The following ANKRD44 variants were observed in gnomAD, a reference collection of about 807,000 sequenced individuals.
The protein encoded by ANKRD44 is serine/threonine-protein phosphatase 6 regulatory ankyrin repeat subunit B.
Under a neutral mutation model 116.0 loss-of-function variants are expected in ANKRD44, and 35 were observed. The ratio of observed to expected loss-of-function variants is 0.30; its 90% CI spans 0.23 to 0.40. The LOEUF is 0.40. Among genes scored for constraint, ANKRD44 ranks in the 10% least tolerant of loss-of-function variants. The pLI is 1.00. For synonymous variants in ANKRD44, 435 were observed against 461.8 expected (o/e 0.94, Z 0.74); for missense variants, 1,014 against 1,242.6 (o/e 0.82, Z 2.77).
intron 1 of ANKRD44, among the ~76,000 whole-genome samples, chr2:197,254,407 A>AC (rs2082393838): frequency 6.6e-6 from 1 of 152,094 alleles, no homozygotes; most frequent in Non-Finnish European, 1.5e-5. Flanking sequence ...AACAAAAAAA[A>AC]CTTCCAACTC....
At chr2:197,202,365 C>T (rs73988408) in intron 1 of ANKRD44, among the ~76,000 whole-genome samples, 6,437 of 151,744 alleles carry the variant, frequency 0.042, 473 homozygotes, top group African/African-American at 0.15. Flanking sequence ...ATGATCGACT[C>T]CTCCAAGAAC....
chr2:197,300,491 C>A (rs182531112), intron 1 of ANKRD44, among the ~76,000 whole-genome samples: 1 of 152,188 alleles, frequency 6.6e-6, no homozygotes, highest in Non-Finnish European at 1.5e-5. Context: ...TCTAAACCTG[C>A]ACTATATGTG....
chr2:197,112,707 C>CAA lies in ANKRD44; in HGVS notation c.907-1865_907-1864dup, dbSNP rs1178148585. 1.8e-3 allele frequency among the ~76,000 whole-genome samples: 144 copies of CAA among 79,824 alleles called. 1 individual carries two copies. Among genetic ancestry groups the CAA allele is most frequent in the South Asian group, 3.6e-3 (8 of 2,212 alleles). 52.4% of individuals were successfully genotyped at this position (79,824 alleles called of 152,430 possible). On this transcript the variant is annotated intron_variant, in intron 8 of 27. Transcript: ENST00000282272. ...TGGGCGACAGAGCGAGACTCCGTCT[C>CAA]AAAAAAAAAAAAAAAGAAAAAAAGA...
intron 1 of ANKRD44, among the ~76,000 whole-genome samples, chr2:197,222,481 C>G (rs1405735890): frequency 6.6e-6 from 1 of 152,196 alleles, no homozygotes; most frequent in Non-Finnish European, 1.5e-5. Context: ...ATTCTCTGCC[C>G]TCATTCTTCT....
chr2:197,072,765 T>C (rs905524871), intron 16 of ANKRD44, among the ~76,000 whole-genome samples: 65 of 152,234 alleles, frequency 4.3e-4, no homozygotes, highest in Non-Finnish European at 1.2e-4. Flanking sequence ...CCTGAAACAA[T>C]GACTAAGTGT....
intron 22 of ANKRD44, among the ~76,000 whole-genome samples, chr2:197,000,727 T>C (rs1360677327): frequency 2.6e-5 from 4 of 152,206 alleles, no homozygotes; most frequent in African/African-American, 9.7e-5. Context: ...CAAGGCACCA[T>C]GTTAGGCGTT....
At chr2:197,174,740 T>C (rs1198118461) in intron 2 of ANKRD44, among the ~76,000 whole-genome samples, 1 of 152,178 alleles carries the variant, frequency 6.6e-6, no homozygotes, top group Non-Finnish European at 1.5e-5. Context: ...AGCAAAGCCA[T>C]GATGAGCTCA....
chr2:197,174,180 ATGG>A (rs1352761573), intron 2 of ANKRD44, among the ~76,000 whole-genome samples: 1 of 152,200 alleles, frequency 6.6e-6, no homozygotes, highest in African/African-American at 2.4e-5. Context: ...AATTTTTTTA[ATGG>A]TGGTAAAATA....
chr2:197,249,490 T>G (rs537340463), intron 1 of ANKRD44, among the ~76,000 whole-genome samples: 4 of 152,296 alleles, frequency 2.6e-5, no homozygotes, highest in African/African-American at 9.6e-5. Context: ...AAGCAAAAAG[T>G]TTTTGTAACA....
chr2:197,005,113 T>C (rs2076179938), intron 21 of ANKRD44, among the ~76,000 whole-genome samples: 1 of 152,128 alleles, frequency 6.6e-6, no homozygotes, highest in African/African-American at 2.4e-5. Context: ...CAAAATTACA[T>C]TAGAAAGTAG....
chr2:197,093,572 A>G (rs1177553165), intron 10 of ANKRD44, among the ~76,000 whole-genome samples: 1 of 152,236 alleles, frequency 6.6e-6, no homozygotes, highest in African/African-American at 2.4e-5. Flanking sequence ...CATAGACTCA[A>G]ATACTATTGG....
In ANKRD44 at chr2:197,001,736, T is replaced by A. The variant is rs370060382; in HGVS notation, c.2435+17A>T. ...ATCATTAAAGCAACATCATTAACTC[T>A]CAGCGTTTCTACTTACATTGCACAG... On this transcript the variant is annotated intron_variant, in intron 22 of 27. Transcript: ENST00000282272. 2.5e-6 allele frequency: 4 copies of A among 1,574,832 alleles called. No individual in the cohort carries two copies. In the African/African-American group the frequency reaches 5.4e-5, roughly 21 times the overall value.
intron 2 of ANKRD44, among the ~76,000 whole-genome samples, chr2:197,165,725 GC>G (rs2080087800): frequency 2.6e-5 from 4 of 152,144 alleles, no homozygotes; most frequent in African/African-American, 4.8e-5. Flanking sequence ...GGCATATATA[GC>G]ATCAGGAACC....
At chr2:197,194,280 T>G (rs184612924) in intron 1 of ANKRD44, among the ~76,000 whole-genome samples, 1 of 152,208 alleles carries the variant, frequency 6.6e-6, no homozygotes, top group Non-Finnish European at 1.5e-5. Flanking sequence ...AAGTCTAATC[T>G]ATAAAGCCAA....
intron 1 of ANKRD44, among the ~76,000 whole-genome samples, chr2:197,295,750 A>T (rs1458212293): frequency 6.6e-6 from 1 of 152,198 alleles, no homozygotes; most frequent in Non-Finnish European, 1.5e-5. Flanking sequence ...CCTCTGGAAG[A>T]GCTGGTTGAA....
At chr2:197,076,855 A>G (rs1362921775) in intron 16 of ANKRD44, among the ~76,000 whole-genome samples, 1 of 152,166 alleles carries the variant, frequency 6.6e-6, no homozygotes, top group Non-Finnish European at 1.5e-5. Context: ...TTATGGCTGC[A>G]TAGTATTCCA....
At position 196,989,556 on chromosome 2, in the gene ANKRD44, G is replaced by A; in HGVS notation, c.*35C>T. On this transcript the variant is annotated 3_prime_UTR_variant, in exon 28 of 28. Transcript: ENST00000282272. ...TATATATACACACGCACACATATAT[G>A]TGTGCATGTGTATGTGCATAATTTT... 6.5e-7 allele frequency: 1 copy of A among 1,547,576 alleles called. No homozygotes were observed. The highest frequency in any genetic ancestry group is 8.7e-7 in the Non-Finnish European group (1 of 1,145,368).
intron 11 of ANKRD44, among the ~76,000 whole-genome samples, chr2:197,089,707 A>G (rs1226463315): frequency 2.6e-5 from 4 of 152,220 alleles, no homozygotes; most frequent in Non-Finnish European, 4.4e-5. Context: ...GGAACACCCA[A>G]GCTTTTACTT....
chr2:197,080,630 A>G (rs1313915725), intron 15 of ANKRD44, among the ~76,000 whole-genome samples: 2 of 152,172 alleles, frequency 1.3e-5, no homozygotes, highest in Non-Finnish European at 2.9e-5. Flanking sequence ...TGGTCATTCT[A>G]TTTTATTCAC....
Sources: allele counts gnomAD v4.1 joint callset (sites outside exome capture counted in the v4.1 genomes callset), GRCh38; gene constraint gnomAD v4.1.1; transcripts MANE v1.5; gene names NCBI Gene and HGNC (gene_info 2026-07-23, HGNC 2026-07-21).